MAP4: variants seen among roughly 807,000 people sequenced by gnomAD.
MAP4 encodes the protein microtubule-associated protein 4.
Under a neutral mutation model 170.2 loss-of-function variants are expected in MAP4, and 76 were observed. That is an observed-to-expected ratio of 0.45 (90% confidence interval 0.37 to 0.54). The LOEUF is 0.54. Among genes scored for constraint, MAP4 ranks in the 20% least tolerant of loss-of-function variants. MAP4 has a pLI of 0.00. For missense variants in MAP4, 2,506 were observed against 2,748.0 expected, an observed-to-expected ratio of 0.91 and a Z score of 1.97; for synonymous variants, 909 against 994.5, an observed-to-expected ratio of 0.91 and a Z score of 1.62.
intron 2 of MAP4, among the ~76,000 whole-genome samples, chr3:47,983,661 T>G (rs566158945): frequency 2.8e-4 from 42 of 152,290 alleles, no homozygotes; most frequent in Admixed American, 2.7e-3. Context: ...GTGCTGGGAT[T>G]ACAGGAGTGA....
chr3:48,035,490 C>G (rs1309464663), intron 1 of MAP4, among the ~76,000 whole-genome samples: 1 of 151,720 alleles, frequency 6.6e-6, no homozygotes, highest in Non-Finnish European at 1.5e-5. Context: ...AAAAATTAGC[C>G]AGGCATGGTG....
chr3:48,006,344 G>C (rs1023851849), intron 1 of MAP4, among the ~76,000 whole-genome samples: 5 of 152,104 alleles, frequency 3.3e-5, no homozygotes, highest in African/African-American at 1.2e-4. Context: ...CTGGACACTG[G>C]CTCTGGGCTG....
intron 3 of MAP4, 21 bp downstream of exon 3, chr3:47,977,844 G>T: frequency 1.3e-6 from 2 of 1,568,112 alleles, no homozygotes; most frequent in Non-Finnish European, 1.8e-6. Flanking sequence ...ACACATTTGG[G>T]GAATCCTGGG....
chr3:47,870,921 G>T lies in MAP4; in HGVS notation c.6186C>A (p.Thr2062=). The change falls in exon 15 of 21, where the codon ACC becomes ACA. Residue 2062 remains threonine (T), a synonymous_variant. Coordinates refer to ENST00000683076, the MANE Select transcript of MAP4 (RefSeq NM_001385682.1). ...TGGTGGCCAGGCGGCTGAGCCGGGG[G>T]GTGGTGGAGCTGGGTTTGGCCGAGG... is the stretch of plus-strand genomic sequence containing the variant. The part of the protein sequence containing the change: ...KPTSAKPSST[T]PRLSRLATNT... 5 of 1,614,110 alleles carry T rather than the reference G, an allele frequency of 3.1e-6. No homozygotes were observed. The highest frequency in any genetic ancestry group is 4.2e-6 in the Non-Finnish European group (5 of 1,179,984).
intron 1 of MAP4, among the ~76,000 whole-genome samples, chr3:48,050,067 C>G (rs778372822): frequency 1.3e-5 from 2 of 151,742 alleles, no homozygotes; most frequent in Non-Finnish European, 2.9e-5. Flanking sequence ...TGAGACCAGC[C>G]TGGCCAACAT....
At chr3:47,937,973 TTTA>T (rs942732322) in intron 3 of MAP4, among the ~76,000 whole-genome samples, 1 of 151,458 alleles carries the variant, frequency 6.6e-6, no homozygotes, top group African/African-American at 2.4e-5. Context: ...TTTTTCTTCT[TTTA>T]TTATTATTAT....
chr3:47,965,133 T>C (rs899787181), intron 3 of MAP4, among the ~76,000 whole-genome samples: 2 of 152,224 alleles, frequency 1.3e-5, no homozygotes, highest in Non-Finnish European at 2.9e-5. Context: ...TTTGACTACT[T>C]TAGGTACCGC....
chr3:47,862,811 T>C (rs1298730409), intron 17 of MAP4, among the ~76,000 whole-genome samples: 1 of 152,138 alleles, frequency 6.6e-6, no homozygotes, highest in East Asian at 1.9e-4. Context: ...ATAATATATC[T>C]AGGACTGGCT....
intron 4 of MAP4, among the ~76,000 whole-genome samples, chr3:47,923,382 GC>G (rs945690624): frequency 6.6e-6 from 1 of 151,124 alleles, no homozygotes; most frequent in Non-Finnish European, 1.5e-5. Context: ...GTGTGAACAA[GC>G]AGAAGGCAAT....
At chr3:47,997,325 C>CAAAAAAAAAAAAAAAAAAAAAAAAA (rs1559754149) in intron 2 of MAP4, among the ~76,000 whole-genome samples, 2 of 40,710 alleles carry the variant, frequency 4.9e-5, no homozygotes, top group Non-Finnish European at 4.1e-5. Flanking sequence ...ATTTAAACTG[C>CAAAAAAAAAAAAAAAAAAAAAAAAA]TAAAAAAAAA....
intron 8 of MAP4, 98 bp from the exon 9 acceptor site, chr3:47,912,519 T>A: frequency 9.2e-7 from 1 of 1,088,190 alleles, no homozygotes; most frequent in Non-Finnish European, 1.3e-6. Context: ...ATGACTAATT[T>A]AAGGAGGCTA....
chr3:47,874,806 T>C (rs1383912230), intron 12 of MAP4, among the ~76,000 whole-genome samples: 1 of 152,262 alleles, frequency 6.6e-6, no homozygotes, highest in Non-Finnish European at 1.5e-5. Context: ...GGCTTCAGCC[T>C]AGACTTCAAC....
At chr3:47,977,150 G>A (rs926956152) in intron 3 of MAP4, among the ~76,000 whole-genome samples, 2 of 152,158 alleles carry the variant, frequency 1.3e-5, no homozygotes, top group Non-Finnish European at 2.9e-5. Context: ...GATCACAACT[G>A]CAAAGTAAAT....
intron 3 of MAP4, chr3:47,973,440 G>A: frequency 1.0e-6 from 1 of 984,952 alleles, no homozygotes; most frequent in Non-Finnish European, 1.2e-6. Flanking sequence ...AACTATATGT[G>A]AAACATAAAA....
In MAP4 at chr3:47,851,430, A is replaced by C. The variant is rs1051293769; in HGVS notation, c.*1504T>G. 1.6e-4 allele frequency: 24 copies of C among 152,222 alleles called. No homozygotes were observed. The highest frequency in any genetic ancestry group is 4.1e-4 in the African/African-American group (17 of 41,454). 9.4% of individuals were successfully genotyped at this position (152,222 alleles called of 1,614,324 possible). ...TCTCCAGGGATGCCAGGACCAGAGA[A>C]GGGCAGAGGTCAGGAGGGGGCATGA... On this transcript the variant is annotated 3_prime_UTR_variant, in exon 21 of 21. Transcript: ENST00000683076.
intron 5 of MAP4, among the ~76,000 whole-genome samples, chr3:47,920,951 A>T (rs934641588): frequency 1.3e-5 from 2 of 152,134 alleles, no homozygotes; most frequent in African/African-American, 4.8e-5. Flanking sequence ...TGAGCCCAGG[A>T]GTTCAAGACC....
intron 1 of MAP4, among the ~76,000 whole-genome samples, chr3:48,027,908 G>A (rs746221745): frequency 2.0e-5 from 3 of 152,224 alleles, no homozygotes; most frequent in Non-Finnish European, 4.4e-5. Context: ...TACTGGAGCT[G>A]AGAAATAACT....
chr3:47,952,761 A>T (rs2100065269), intron 3 of MAP4, among the ~76,000 whole-genome samples: 1 of 151,884 alleles, frequency 6.6e-6, no homozygotes, highest in African/African-American at 2.4e-5. Flanking sequence ...TGTCTCTACT[A>T]AAAAATACAA....
chr3:48,043,929 T>C (rs1288876360), intron 1 of MAP4, among the ~76,000 whole-genome samples: 1 of 152,094 alleles, frequency 6.6e-6, no homozygotes, highest in Non-Finnish European at 1.5e-5. Flanking sequence ...CACTGCAATC[T>C]CCACTTCCTG....
Sources: allele counts gnomAD v4.1 joint callset (sites outside exome capture counted in the v4.1 genomes callset), GRCh38; gene constraint gnomAD v4.1.1; transcripts MANE v1.5; gene names NCBI Gene and HGNC (gene_info 2026-07-23, HGNC 2026-07-21).